Variants in SND1 observed in about 807,000 individuals in gnomAD.
The protein encoded by SND1 is staphylococcal nuclease domain-containing protein 1.
A neutral mutation model predicts 121.7 loss-of-function variants in SND1; 38 were observed. The ratio of observed to expected loss-of-function variants is 0.31; its 90% CI spans 0.24 to 0.41. SND1 has a LOEUF of 0.41. SND1 is among the 10% of genes least tolerant of loss of function. The probability of loss-of-function intolerance (pLI) is 1.00; values close to 1 mark genes in which losing one functional copy is unlikely to be tolerated. For synonymous variants in SND1, 401 were observed against 447.4 expected (o/e 0.90, Z 1.31); for missense variants, 868 against 1,184.6 (o/e 0.73, Z 3.92).
At chr7:127,922,198 T>TC (rs1204407502) in intron 14 of SND1, among the ~76,000 whole-genome samples, 1 of 126,872 alleles carries the variant, frequency 7.9e-6, no homozygotes, top group Non-Finnish European at 1.6e-5. Context: ...TTTTTTTTTT[T>TC]TTTTTGTTTT....
At chr7:127,802,570 C>T (rs975589609) in intron 10 of SND1, among the ~76,000 whole-genome samples, 2 of 152,166 alleles carry the variant, frequency 1.3e-5, no homozygotes, top group Non-Finnish European at 2.9e-5. Flanking sequence ...TTCCTTCCGC[C>T]CTGCTTACTG....
intron 10 of SND1, among the ~76,000 whole-genome samples, chr7:127,796,122 G>A (rs1227871251): frequency 6.6e-6 from 1 of 151,522 alleles, no homozygotes; most frequent in African/African-American, 2.4e-5. Context: ...CTCCCAAAGT[G>A]CTGATGTTTT....
intron 13 of SND1, among the ~76,000 whole-genome samples, chr7:127,900,547 G>C (rs1800208465): frequency 6.6e-6 from 1 of 152,196 alleles, no homozygotes; most frequent in South Asian, 2.1e-4. Flanking sequence ...GTCTGCCTTT[G>C]CAAAGTTGTA....
At chr7:127,926,720 TTTGTTGTTGTTGTTGTTG>T (rs57562959) in intron 14 of SND1, among the ~76,000 whole-genome samples, 2 of 142,854 alleles carry the variant, frequency 1.4e-5, no homozygotes, top group South Asian at 2.3e-4. Context: ...ACCCGGCTAT[TTTGTTGTTGTTGTTGTTG>T]TTGTTGTTGT....
intron 16 of SND1, among the ~76,000 whole-genome samples, chr7:128,037,427 A>G (rs2117001646): frequency 6.6e-6 from 1 of 152,344 alleles, no homozygotes; most frequent in Non-Finnish European, 1.5e-5. Flanking sequence ...CCTTATCTCA[A>G]GATCCTTAAT....
intron 6 of SND1, among the ~76,000 whole-genome samples, 174 bp downstream of exon 6, chr7:127,702,700 A>ATTAT (rs1365778235): frequency 6.6e-6 from 1 of 152,154 alleles, no homozygotes. Context: ...ATTGGATCAA[A>ATTAT]TTATTTATTT....
At chr7:127,842,502 T>C (rs1798982460) in intron 11 of SND1, among the ~76,000 whole-genome samples, 1 of 152,208 alleles carries the variant, frequency 6.6e-6, no homozygotes, top group African/African-American at 2.4e-5. Flanking sequence ...GCAAAATTAA[T>C]TCAAAATCTA....
intron 8 of SND1, among the ~76,000 whole-genome samples, chr7:127,706,584 G>A (rs369554459): frequency 2.0e-5 from 3 of 152,188 alleles, no homozygotes; most frequent in South Asian, 4.1e-4. Context: ...TTTCAAGAAA[G>A]TGAATGCAAT....
At chr7:128,013,014 C>G (rs1480070544) in intron 16 of SND1, among the ~76,000 whole-genome samples, 1 of 152,176 alleles carries the variant, frequency 6.6e-6, no homozygotes, top group Non-Finnish European at 1.5e-5. Context: ...AAGTCACCCC[C>G]TGCACCTCTG....
rs563474629 is a variant in SND1, at chr7:127,978,986, C to T, written c.1670-11961C>T. On this transcript the variant is annotated intron_variant, in intron 15 of 23. Transcript: ENST00000354725. ...ACAGACGTGAGCCACCACACCTGGC[C>T]GCCTGTATTTTTTTTTAAACCACCA... Among the ~76,000 whole-genome samples the T allele has an allele frequency of 7.9e-5, 12 of 152,204 alleles. No homozygotes were observed. In the South Asian group the frequency reaches 1.5e-3, roughly 18 times the overall value.
At chr7:128,030,508 T>G (rs760820214) in intron 16 of SND1, 1 of 1,613,400 alleles carries the variant, frequency 6.2e-7, no homozygotes, top group East Asian at 2.2e-5. Flanking sequence ...GAGGGGCAGT[T>G]CTGGGGCCCG....
chr7:127,840,950 AGTT>A (rs2116641551), intron 11 of SND1, among the ~76,000 whole-genome samples: 1 of 152,310 alleles, frequency 6.6e-6, no homozygotes, highest in South Asian at 2.1e-4. Flanking sequence ...AGGTGAATGT[AGTT>A]GTTTCTTTTG....
intron 1 of SND1, among the ~76,000 whole-genome samples, chr7:127,669,624 C>G (rs1051901300): frequency 6.6e-6 from 1 of 152,196 alleles, no homozygotes; most frequent in Non-Finnish European, 1.5e-5. Context: ...AGGCAAGACT[C>G]TCAGTAGATT....
intron 16 of SND1, among the ~76,000 whole-genome samples, chr7:128,017,695 G>C (rs962047765): frequency 6.6e-6 from 1 of 152,226 alleles, no homozygotes; most frequent in African/African-American, 2.4e-5. Context: ...TCGGGGAGGG[G>C]GGGCAAACTC....
intron 3 of SND1, among the ~76,000 whole-genome samples, 165 bp downstream of exon 3, chr7:127,695,113 G>A (rs1488304463): frequency 6.6e-6 from 1 of 152,188 alleles, no homozygotes; most frequent in African/African-American, 2.4e-5. Flanking sequence ...GGGAATATAT[G>A]TGTACAGAGG....
intron 16 of SND1, among the ~76,000 whole-genome samples, chr7:128,035,504 C>A (rs980113181): frequency 1.3e-5 from 2 of 152,234 alleles, no homozygotes; most frequent in African/African-American, 4.8e-5. Flanking sequence ...TTTAACCTCT[C>A]ACTTTACAGA....
At chr7:127,978,987 G>A (rs889413414) in intron 15 of SND1, among the ~76,000 whole-genome samples, 44 of 151,992 alleles carry the variant, frequency 2.9e-4, no homozygotes, top group Non-Finnish European at 5.0e-4. Flanking sequence ...ACACCTGGCC[G>A]CCTGTATTTT....
At chr7:127,688,506 A>G (rs938372615) in intron 2 of SND1, among the ~76,000 whole-genome samples, 12 of 151,136 alleles carry the variant, frequency 7.9e-5, no homozygotes, top group Non-Finnish European at 1.8e-4. Context: ...CCAGGACTTC[A>G]AGACCAGTCC....
intron 1 of SND1, among the ~76,000 whole-genome samples, chr7:127,656,642 A>G (rs529801527): frequency 1.4e-4 from 21 of 152,292 alleles, no homozygotes; most frequent in African/African-American, 4.8e-4. Flanking sequence ...TGAAAAGTTC[A>G]GTGGGGACAG....
Sources: gnomAD v4.1 joint callset for allele counts (sites outside exome capture counted in the v4.1 genomes callset) on GRCh38, gnomAD v4.1.1 for gene constraint, MANE v1.5 for transcripts, NCBI Gene and HGNC (gene_info 2026-07-23, HGNC 2026-07-21) for gene names.